The following FGFR1 variants were observed in gnomAD, a reference collection of about 807,000 sequenced individuals.
FGFR1 encodes the protein fibroblast growth factor receptor 1.
In FGFR1, 18 loss-of-function variants were observed where a neutral mutation model predicts 93.7. The ratio of observed to expected loss-of-function variants is 0.19; its 90% CI spans 0.13 to 0.28. FGFR1 has a LOEUF of 0.28. Among genes scored for constraint, FGFR1 ranks in the 10% least tolerant of loss-of-function variants. The probability of loss-of-function intolerance (pLI) is 1.00; values close to 1 mark genes in which losing one functional copy is unlikely to be tolerated. For missense variants in FGFR1, 731 were observed against 1,080.4 expected, an observed-to-expected ratio of 0.68 and a Z score of 4.53; for synonymous variants, 448 against 429.3, an observed-to-expected ratio of 1.04 and a Z score of -0.54.
At chr8:38,417,580 G>A in intron 11 of FGFR1, 164 bp from the exon 12 acceptor site, 1 of 750,632 alleles carries the variant, frequency 1.3e-6, no homozygotes, top group African/African-American at 1.7e-5. Context: ...GGGAGCCGTT[G>A]TTGCAATAGG....
chr8:38,414,499 T>G, intron 15 of FGFR1, 60 bp downstream of exon 15: 1 of 1,593,480 alleles, frequency 6.3e-7, no homozygotes, highest in Non-Finnish European at 8.6e-7. Flanking sequence ...AAAGCAGGAC[T>G]CTACAGTGCT....
At chr8:38,454,400 T>C (rs182175371) in intron 2 of FGFR1, among the ~76,000 whole-genome samples, 1 of 152,236 alleles carries the variant, frequency 6.6e-6, no homozygotes, top group African/African-American at 2.4e-5. Context: ...TTTATCGCTG[T>C]CTACAATTGG....
chr8:38,466,724 G>A (rs1835600043), intron 1 of FGFR1: 1 of 212,650 alleles, frequency 4.7e-6, no homozygotes, highest in South Asian at 1.9e-4. Flanking sequence ...GAAGAGGGAA[G>A]TTAATAATGC....
chr8:38,422,550 C>T (rs1017953726), intron 7 of FGFR1, among the ~76,000 whole-genome samples: 1 of 152,182 alleles, frequency 6.6e-6, no homozygotes, highest in African/African-American at 2.4e-5. Context: ...ACTACAGGCA[C>T]ACGCCACCAT....
At chr8:38,432,849 G>A (rs1218164155) in intron 2 of FGFR1, among the ~76,000 whole-genome samples, 2 of 150,894 alleles carry the variant, frequency 1.3e-5, no homozygotes, top group Non-Finnish European at 3.0e-5. Context: ...CCTGCAATTG[G>A]CTTCCACTCT....
At chr8:38,419,863 T>C (rs1586204901) in intron 8 of FGFR1, 128 bp from the exon 9 acceptor site, 1 of 747,694 alleles carries the variant, frequency 1.3e-6, no homozygotes, top group Admixed American at 2.3e-5. Flanking sequence ...CCATGGCAAG[T>C]TCTAGCTAGG....
At chr8:38,442,035 T>C (rs1213147195) in intron 2 of FGFR1, among the ~76,000 whole-genome samples, 2 of 152,092 alleles carry the variant, frequency 1.3e-5, no homozygotes, top group Admixed American at 6.5e-5. Context: ...GAGGAAAACA[T>C]ACTATTTCGG....
chr8:38,445,702 T>A (rs12548225), intron 2 of FGFR1, among the ~76,000 whole-genome samples: 1 of 150,834 alleles, frequency 6.6e-6, no homozygotes. Flanking sequence ...TCACGCCCGG[T>A]TATTTTTTTT....
At chr8:38,444,628 G>C (rs961712163) in intron 2 of FGFR1, among the ~76,000 whole-genome samples, 5 of 149,016 alleles carry the variant, frequency 3.4e-5, no homozygotes, top group African/African-American at 1.2e-4. Flanking sequence ...CTGACGTCAG[G>C]TGATCCACCT....
Position 38,415,932 on chromosome 8 carries a change from T to C in FGFR1, c.1792A>G (p.Lys598Glu). ...TGGTAGGCGCAGGACACCAGGTCCT[T>C]GGAGGAGAGCTGCTCCTCTGGGTTG... ...SHNPEEQLSS[K>E]DLVSCAYQVA... Residue 598 changes from lysine to glutamate, a missense_variant, in exon 13 of 18, where the codon AAG becomes GAG. Transcript: ENST00000447712. 2 of 1,614,076 alleles carry C rather than the reference T, an allele frequency of 1.2e-6. No individual in the cohort carries two copies. Among genetic ancestry groups the C allele is most frequent in the Non-Finnish European group, 1.7e-6 (2 of 1,180,020 alleles).
intron 2 of FGFR1, chr8:38,434,589 C>A: frequency 4.0e-6 from 1 of 252,616 alleles, no homozygotes; most frequent in South Asian, 6.4e-5. Context: ...TCAAACTGGT[C>A]CCTTCACTTA....
At chr8:38,423,312 GTTTTTTT>G (rs58594253) in intron 7 of FGFR1, 96 of 361,196 alleles carry the variant, frequency 2.7e-4, no homozygotes, top group African/African-American at 1.2e-3. Context: ...TTCCCTTTTA[GTTTTTTT>G]TTTTTTTTTT....
intron 1 of FGFR1, chr8:38,460,956 G>C (rs1834253190): frequency 9.6e-7 from 1 of 1,039,888 alleles, no homozygotes; most frequent in Non-Finnish European, 1.4e-6. Context: ...CCAAGACCCT[G>C]CAGCTGGTTC....
At chr8:38,448,990 A>G (rs1302565421) in intron 2 of FGFR1, among the ~76,000 whole-genome samples, 1 of 151,904 alleles carries the variant, frequency 6.6e-6, no homozygotes, top group Non-Finnish European at 1.5e-5. Flanking sequence ...TAATCCTAAC[A>G]CTTTAGGAGG....
At chr8:38,440,382 G>T (rs769698972) in intron 2 of FGFR1, 2 of 1,586,684 alleles carry the variant, frequency 1.3e-6, no homozygotes, top group Admixed American at 1.8e-5. Context: ...TCCTACAAGG[G>T]TTTGGGTGGA....
chr8:38,417,480 G>T, intron 11 of FGFR1, 64 bp from the exon 12 acceptor site: 1 of 1,375,596 alleles, frequency 7.3e-7, no homozygotes, highest in South Asian at 1.2e-5. Context: ...AAGGCTAAGG[G>T]AGTGGGGTAT....
In FGFR1 at chr8:38,468,562, C is replaced by G. The variant is rs892249962; in HGVS notation, c.-670G>C. Reference sequence around the variant, plus strand: ...CGCGCGCTGCGGCTGCACCGGCGTCCCGGCTCCCGCTAGCTGCCGCCCGCC... The same window carrying G: ...CGCGCGCTGCGGCTGCACCGGCGTCGCGGCTCCCGCTAGCTGCCGCCCGCC... On this transcript the variant is annotated 5_prime_UTR_variant, in exon 1 of 18. Transcript: ENST00000447712. 3.9e-5 allele frequency: 9 copies of G among 228,980 alleles called. No individual in the cohort carries two copies. The East Asian group carries it at 4.3e-4, about 11-fold the overall frequency. 14.2% of individuals were successfully genotyped at this position (228,980 alleles called of 1,614,324 possible). A position where few individuals can be genotyped will look rare whatever the true frequency, so the allele number is the denominator to read the frequency against.
chr8:38,420,130 C>T (rs1196756841), intron 8 of FGFR1: 2 of 260,234 alleles, frequency 7.7e-6, no homozygotes, highest in Non-Finnish European at 1.5e-5. Context: ...CTCTGCAAAG[C>T]CTCAGCACTG....
At chr8:38,437,126 C>A (rs1357221955) in intron 2 of FGFR1, among the ~76,000 whole-genome samples, 1 of 152,144 alleles carries the variant, frequency 6.6e-6, no homozygotes, top group Non-Finnish European at 1.5e-5. Context: ...GTGATCCACC[C>A]ACCTCGGCCT....
Sources: allele counts gnomAD v4.1 joint callset (sites outside exome capture counted in the v4.1 genomes callset), GRCh38; gene constraint gnomAD v4.1.1; transcripts MANE v1.5; gene names NCBI Gene and HGNC (gene_info 2026-07-23, HGNC 2026-07-21).